Variants in CCM2 observed in about 807,000 individuals in gnomAD.
CCM2 encodes the protein cerebral cavernous malformations 2 protein.
In CCM2, 25 loss-of-function variants were observed where a neutral mutation model predicts 44.9. The observed-to-expected ratio is 0.56, with a 90% CI of 0.41 to 0.78. The LOEUF (loss-of-function observed/expected upper bound fraction) is 0.78. Ranked by LOEUF, CCM2 falls within the 30% of genes least tolerant of loss-of-function variation. The pLI, the probability that CCM2 is intolerant of heterozygous loss-of-function variation, is 0.00. For synonymous variants in CCM2, 219 were observed against 241.1 expected (o/e 0.91, Z 0.85); for missense variants, 481 against 580.6 (o/e 0.83, Z 1.76).
At chr7:45,000,485 G>A in intron 1 of CCM2, 122 bp downstream of exon 1, 1 of 463,678 alleles carries the variant, frequency 2.2e-6, no homozygotes. Flanking sequence ...AGCTGGCGGG[G>A]CGGGGCGGGG....
chr7:45,001,216 C>T (rs952480459), intron 1 of CCM2, among the ~76,000 whole-genome samples: 1 of 152,180 alleles, frequency 6.6e-6, no homozygotes, highest in Non-Finnish European at 1.5e-5. Context: ...CCTTGTTTGA[C>T]AGAGTGCCCC....
intron 2 of CCM2, among the ~76,000 whole-genome samples, chr7:45,044,927 G>A (rs911363513): frequency 2.0e-5 from 3 of 151,872 alleles, no homozygotes; most frequent in African/African-American, 7.3e-5. Context: ...AACTCTAACC[G>A]ATCCCCAAGA....
chr7:45,059,570 C>T (rs1035752645), intron 2 of CCM2, among the ~76,000 whole-genome samples: 11 of 152,058 alleles, frequency 7.2e-5, no homozygotes, highest in African/African-American at 2.7e-4. Flanking sequence ...CATGGCAAAA[C>T]CCCGTCTGTC....
At chr7:45,064,026 G>T in intron 3 of CCM2, 25 bp downstream of exon 3, 1 of 1,544,402 alleles carries the variant, frequency 6.5e-7, no homozygotes, top group South Asian at 1.1e-5. Context: ...TTAACCCTGT[G>T]CACTAGCCCT....
intron 1 of CCM2, among the ~76,000 whole-genome samples, chr7:45,005,160 G>C (rs1260661212): frequency 6.6e-6 from 1 of 152,160 alleles, no homozygotes; most frequent in Admixed American, 6.5e-5. Flanking sequence ...TGGTAACTCA[G>C]GGTCAGGAGG....
intron 2 of CCM2, among the ~76,000 whole-genome samples, chr7:45,058,563 T>C (rs1228564238): frequency 6.7e-6 from 1 of 148,298 alleles, no homozygotes; most frequent in East Asian, 2.0e-4. Context: ...AGTGAGAACA[T>C]GCGGTGTTTG....
chr7:45,009,402 GTTT>G (rs66697662), intron 1 of CCM2, among the ~76,000 whole-genome samples: 5 of 74,814 alleles, frequency 6.7e-5, no homozygotes, highest in African/African-American at 5.4e-5. Flanking sequence ...GGCTATACTT[GTTT>G]TTTTTTTTTT....
At chr7:45,019,137 C>T (rs1472438502) in intron 1 of CCM2, among the ~76,000 whole-genome samples, 1 of 144,444 alleles carries the variant, frequency 6.9e-6, no homozygotes, top group Non-Finnish European at 1.5e-5. Flanking sequence ...GATCTCGGCT[C>T]ACTGCAACCT....
chr7:45,054,496 A>G (rs1583944075), intron 2 of CCM2, among the ~76,000 whole-genome samples: 1 of 151,680 alleles, frequency 6.6e-6, no homozygotes, highest in Admixed American at 6.6e-5. Flanking sequence ...TAAAAAAAAA[A>G]ACACTTATAT....
chr7:45,027,769 T>C (rs1796756981), intron 1 of CCM2: 1 of 1,614,040 alleles, frequency 6.2e-7, no homozygotes, highest in Non-Finnish European at 8.5e-7. Context: ...CAAACAGAAT[T>C]TCACACAGGG....
At position 45,073,485 on chromosome 7, in the gene CCM2, G is replaced by A. The variant is rs777620525; in HGVS notation, c.829G>A (p.Gly277Ser). ...TFCFPESVDV[G>S]GASPHSKTIS... ...CTGCTTCCCTGAATCTGTGGATGTG[G>A]GTGGTGCATCACCCCACAGCAAGAC... Residue 277 changes from glycine to serine, a missense_variant, in exon 8 of 10, where the codon GGT becomes AGT. Transcript: ENST00000258781. 5 of 1,613,248 alleles carry A rather than the reference G, an allele frequency of 3.1e-6. No individual in the cohort carries two copies. The highest frequency in any genetic ancestry group is 2.7e-5 in the African/African-American group (2 of 74,930).
rs1795528168 is a variant in CCM2, at chr7:45,000,223, GGGCGGCGCCGGGAGCGCGGGGGC to G, written c.-105_-83del. Reference sequence around the variant, plus strand: ...GGCGGAGACTTCGGGCCCGGCTGGCGGGCGGCGCCGGGAGCGCGGGGGCGGCGGGCCCGGGTCGAGCATGTAGC... The same window carrying G: ...GGCGGAGACTTCGGGCCCGGCTGGCGGGCGGGCCCGGGTCGAGCATGTAGC... On this transcript the variant is annotated 5_prime_UTR_variant, in exon 1 of 10. Transcript: ENST00000258781. 1.6e-6 allele frequency: 1 copy of G among 635,340 alleles called. No individual in the cohort carries two copies. Among genetic ancestry groups the G allele is most frequent in the Non-Finnish European group, 2.0e-6 (1 of 510,216 alleles). 39.4% of individuals were successfully genotyped at this position (635,340 alleles called of 1,614,324 possible). A position where few individuals can be genotyped will look rare whatever the true frequency, so the allele number is the denominator to read the frequency against.
chr7:45,070,076 G>T (rs921859485), intron 6 of CCM2, 115 bp downstream of exon 6: 1 of 1,361,576 alleles, frequency 7.3e-7, no homozygotes, highest in Non-Finnish European at 1.0e-6. Context: ...CCGTGACATG[G>T]TGGCCTTTTG....
chr7:45,017,936 C>T (rs138795113), intron 1 of CCM2, among the ~76,000 whole-genome samples: 100 of 152,282 alleles, frequency 6.6e-4, no homozygotes, highest in African/African-American at 2.1e-3. Context: ...AAAATACCTT[C>T]ATTTCATCTT....
chr7:45,001,963 A>T (rs1562850296), intron 1 of CCM2, among the ~76,000 whole-genome samples: 1 of 152,140 alleles, frequency 6.6e-6, no homozygotes, highest in Non-Finnish European at 1.5e-5. Flanking sequence ...GTATTCTGCC[A>T]CTTGTCTTAG....
chr7:45,047,876 T>C (rs1275899312), intron 2 of CCM2, among the ~76,000 whole-genome samples: 2 of 152,182 alleles, frequency 1.3e-5, no homozygotes, highest in African/African-American at 2.4e-5. Context: ...TCATTTCTTA[T>C]AATAAGAGAA....
At chr7:45,032,675 C>T (rs564901220) in intron 1 of CCM2, among the ~76,000 whole-genome samples, 15 of 152,166 alleles carry the variant, frequency 9.9e-5, no homozygotes, top group Non-Finnish European at 1.3e-4. Flanking sequence ...CTGGTCCAAG[C>T]GTTCCATCAA....
chr7:45,014,434 C>T lies in CCM2; in HGVS notation c.30+14071C>T, dbSNP rs916959724. The stretch of plus-strand genomic sequence containing the variant: ...GATTACAGGCATGAACCACCGCGCC[C>T]GGCCTATTTTAATTTTTAATTGCAG... On this transcript the variant is annotated intron_variant, in intron 1 of 9. Coordinates refer to ENST00000258781, the MANE Select transcript of CCM2 (RefSeq NM_031443.4). 1.4e-4 allele frequency among the ~76,000 whole-genome samples: 22 copies of T among 152,108 alleles called. 2 individuals are homozygous for T. In the East Asian group the frequency reaches 3.1e-3, roughly 21 times the overall value.
intron 1 of CCM2, among the ~76,000 whole-genome samples, chr7:45,021,487 C>T (rs920775781): frequency 6.6e-6 from 1 of 151,826 alleles, no homozygotes; most frequent in Non-Finnish European, 1.5e-5. Context: ...ATTGCTTGAA[C>T]CCGGAAGGTA....
Sources: allele counts gnomAD v4.1 joint callset (sites outside exome capture counted in the v4.1 genomes callset), GRCh38; gene constraint gnomAD v4.1.1; transcripts MANE v1.5; gene names NCBI Gene and HGNC (gene_info 2026-07-23, HGNC 2026-07-21).